The following AGAP1 variants were observed in gnomAD, a reference collection of about 807,000 sequenced individuals.
AGAP1 encodes the protein ArfGAP with GTPase domain, ankyrin repeat and PH domain 1.
AGAP1 carries 29 observed loss-of-function variants against 105.3 expected under a neutral mutation model. The ratio of observed to expected loss-of-function variants is 0.28; its 90% CI spans 0.21 to 0.38. The LOEUF is 0.38. AGAP1 is among the 10% of genes least tolerant of loss of function. The pLI is 1.00. For missense variants in AGAP1, 998 were observed against 1,165.1 expected, an observed-to-expected ratio of 0.86 and a Z score of 2.09; for synonymous variants, 509 against 485.9, an observed-to-expected ratio of 1.05 and a Z score of -0.63.
intron 6 of AGAP1, among the ~76,000 whole-genome samples, chr2:235,791,688 C>T (rs1021582486): frequency 6.6e-5 from 10 of 152,234 alleles, no homozygotes; most frequent in Middle Eastern, 3.4e-3. Flanking sequence ...GCTGGGATTA[C>T]AGGCACACGC....
In AGAP1 at chr2:235,970,709, A is replaced by C. The variant is rs946137793; in HGVS notation, c.1645+2086A>C. ...TGACCGCTGTGTAAATGAGTGAATA[A>C]ATCAGTAGCGTTTCTGCACATTTGA... is the stretch of plus-strand genomic sequence containing the variant. On this transcript the variant is annotated intron_variant, in intron 13 of 17. Coordinates refer to ENST00000304032, the MANE Select transcript of AGAP1 (RefSeq NM_001037131.3). The surrounding 1 kb of genome is among the most constrained non-coding windows in gnomAD (Gnocchi z 5.4). 6.6e-6 allele frequency among the ~76,000 whole-genome samples: 1 copy of C among 152,206 alleles called. No individual in the cohort carries two copies. The highest frequency in any genetic ancestry group is 2.4e-5 in the African/African-American group (1 of 41,438).
At position 235,979,430 on chromosome 2, in the gene AGAP1, C is replaced by T. The variant is rs558376190; in HGVS notation, c.1645+10807C>T. 3.9e-5 allele frequency among the ~76,000 whole-genome samples: 6 copies of T among 152,224 alleles called. No individual in the cohort carries two copies. The highest frequency in any genetic ancestry group is 2.1e-4 in the South Asian group (1 of 4,822). On this transcript the variant is annotated intron_variant, in intron 13 of 17. Coordinates refer to ENST00000304032, the MANE Select transcript of AGAP1 (RefSeq NM_001037131.3). This position sits in a 1 kb window ranked among gnomAD's most constrained non-coding sequence, Gnocchi z 4.5. ...GGGTCCGATCATAGTTACTGACTCGCGCTCATTTTATCAAGATGTATTAAT... is the reference window on the plus strand; with the variant it reads ...GGGTCCGATCATAGTTACTGACTCGTGCTCATTTTATCAAGATGTATTAAT...
intron 5 of AGAP1, among the ~76,000 whole-genome samples, chr2:235,745,446 A>G (rs931405260): frequency 3.9e-5 from 6 of 152,290 alleles, no homozygotes; most frequent in South Asian, 2.1e-4. Context: ...CTGAGACACA[A>G]TGTCCTCGCT....
At position 235,739,454 on chromosome 2, in the gene AGAP1, T is replaced by TC. The variant is rs1275584378; in HGVS notation, c.311-1505dup. Among the ~76,000 whole-genome samples, 6 of 152,348 alleles carry TC rather than the reference T, an allele frequency of 3.9e-5. No individual in the cohort carries two copies. Among genetic ancestry groups the TC allele is most frequent in the African/African-American group, 1.4e-4 (6 of 41,572 alleles). On this transcript the variant is annotated intron_variant, in intron 3 of 17. Transcript: ENST00000304032. The surrounding 1 kb of genome is among the most constrained non-coding windows in gnomAD (Gnocchi z 5.3). ...CAGCGGCCTGACTGGCCTGGATGTG[T>TC]CCCCTGCTAACGGGCCTCAGCCTGA...
Position 235,663,755 on chromosome 2 carries a change from G to A in AGAP1, c.164-45424G>A, listed in dbSNP as rs138211322. Among the ~76,000 whole-genome samples, 8 of 152,242 alleles carry A rather than the reference G, an allele frequency of 5.3e-5. No homozygotes were observed. Among genetic ancestry groups the A allele is most frequent in the Non-Finnish European group, 1.2e-4 (8 of 68,030 alleles). The stretch of plus-strand genomic sequence containing the variant: ...TTCCTACTCCAGGAAGCTCTTAGGA[G>A]AATCCAAATCCGACTTCCCTGTGCT... On this transcript the variant is annotated intron_variant, in intron 1 of 17. Coordinates refer to ENST00000304032, the MANE Select transcript of AGAP1 (RefSeq NM_001037131.3). The surrounding 1 kb of genome is among the most constrained non-coding windows in gnomAD (Gnocchi z 5.4).
chr2:236,042,847 C>T lies in AGAP1; in HGVS notation c.1891+2006C>T, dbSNP rs553387608. Among the ~76,000 whole-genome samples, 4 of 152,314 alleles carry T rather than the reference C, an allele frequency of 2.6e-5. No individual in the cohort carries two copies. Among genetic ancestry groups the T allele is most frequent in the South Asian group, 2.1e-4 (1 of 4,830 alleles). On this transcript the variant is annotated intron_variant, in intron 15 of 17. Transcript: ENST00000304032. The surrounding 1 kb of genome is among the most constrained non-coding windows in gnomAD (Gnocchi z 5.6). ...CAGGAGAAAGAGGCGATACCAAGCA[C>T]GCATTTGCTAAATGTGTGGTCTGTG...
At position 235,792,356 on chromosome 2, in the gene AGAP1, A is replaced by C. The variant is rs73126443; in HGVS notation, c.674-5403A>C. On this transcript the variant is annotated intron_variant, in intron 6 of 17. Coordinates refer to ENST00000304032, the MANE Select transcript of AGAP1 (RefSeq NM_001037131.3). The surrounding 1 kb of genome is among the most constrained non-coding windows in gnomAD (Gnocchi z 5.3). ...TCATCTGCCTATTCCAGGAGAGACT[A>C]TGGTCCTTATCCAGTAGTACTAATG... Among the ~76,000 whole-genome samples the C allele has an allele frequency of 2.6e-5, 4 of 152,150 alleles. No individual in the cohort carries two copies. The highest frequency in any genetic ancestry group is 9.7e-5 in the African/African-American group (4 of 41,424).
Position 236,042,079 on chromosome 2 carries a change from A to G in AGAP1, c.1891+1238A>G, listed in dbSNP as rs1418882201. ...CCAGCTTTGTTCTTCATTTGTAAGC[A>G]GAGAGACATCATTGGAGTTTTAGAG... On this transcript the variant is annotated intron_variant, in intron 15 of 17. Coordinates refer to ENST00000304032, the MANE Select transcript of AGAP1 (RefSeq NM_001037131.3). This position sits in a 1 kb window ranked among gnomAD's most constrained non-coding sequence, Gnocchi z 5.6. Among the ~76,000 whole-genome samples, 3 of 152,208 alleles carry G rather than the reference A, an allele frequency of 2.0e-5. No homozygotes were observed. Among genetic ancestry groups the G allele is most frequent in the Non-Finnish European group, 4.4e-5 (3 of 68,034 alleles).
At position 235,733,894 on chromosome 2, in the gene AGAP1, A is replaced by G. The variant is rs1323162338; in HGVS notation, c.311-7069A>G. On this transcript the variant is annotated intron_variant, in intron 3 of 17. Transcript: ENST00000304032. This position sits in a 1 kb window ranked among gnomAD's most constrained non-coding sequence, Gnocchi z 5.0. ...TCTGATTTGGCTAAATTTTGTAAAC[A>G]AAGATGTTACCAATAAAACCTTTTT... is the stretch of plus-strand genomic sequence containing the variant. 6.6e-6 allele frequency among the ~76,000 whole-genome samples: 1 copy of G among 152,220 alleles called. No individual in the cohort carries two copies. The highest frequency in any genetic ancestry group is 1.9e-4 in the East Asian group (1 of 5,194).
At chr2:235,896,097 A>G (rs557618240) in intron 10 of AGAP1, among the ~76,000 whole-genome samples, 1 of 152,326 alleles carries the variant, frequency 6.6e-6, no homozygotes, top group Non-Finnish European at 1.5e-5. Flanking sequence ...GCATAAACAC[A>G]AATTCCTATC....
intron 9 of AGAP1, among the ~76,000 whole-genome samples, chr2:235,862,803 C>T (rs1212648468): frequency 1.3e-5 from 2 of 152,204 alleles, no homozygotes; most frequent in Non-Finnish European, 2.9e-5. Context: ...GAGGGCAGCC[C>T]TGGGTTGTTC....
At chr2:235,670,422 T>C (rs1015643924) in intron 1 of AGAP1, 11 of 558,834 alleles carry the variant, frequency 2.0e-5, no homozygotes, top group Non-Finnish European at 3.6e-5. Context: ...CTGGGGCGGC[T>C]CCGGCCGTGC....
chr2:235,952,175 G>A (rs2053765163), intron 12 of AGAP1, among the ~76,000 whole-genome samples: 2 of 152,114 alleles, frequency 1.3e-5, no homozygotes, highest in Non-Finnish European at 2.9e-5. Context: ...AGACATGAAT[G>A]GGCTGATAAT....
In AGAP1 at chr2:235,872,273, T is replaced by C. The variant is rs923087972; in HGVS notation, c.1051-11072T>C. 2.0e-5 allele frequency among the ~76,000 whole-genome samples: 3 copies of C among 151,478 alleles called. No homozygotes were observed. The highest frequency in any genetic ancestry group is 6.6e-5 in the Admixed American group (1 of 15,234). On this transcript the variant is annotated intron_variant, in intron 9 of 17. Coordinates refer to ENST00000304032, the MANE Select transcript of AGAP1 (RefSeq NM_001037131.3). This position sits in a 1 kb window ranked among gnomAD's most constrained non-coding sequence, Gnocchi z 4.5. ...ATTGCATAGAAATAAAAAAAAAAAGTTCTAAATAAATGCCGAAGCCACATA... is the reference window on the plus strand; with the variant it reads ...ATTGCATAGAAATAAAAAAAAAAAGCTCTAAATAAATGCCGAAGCCACATA...
intron 9 of AGAP1, among the ~76,000 whole-genome samples, chr2:235,833,386 ACG>A (rs1283902069): frequency 1.3e-5 from 2 of 152,156 alleles, no homozygotes; most frequent in Non-Finnish European, 2.9e-5. Flanking sequence ...ATGGACAAAA[ACG>A]TAGAAGTCAC....
intron 1 of AGAP1, among the ~76,000 whole-genome samples, chr2:235,573,969 A>C (rs1334062746): frequency 2.0e-5 from 3 of 152,200 alleles, no homozygotes; most frequent in Non-Finnish European, 2.9e-5. Flanking sequence ...GCTGTCGCAC[A>C]ACCTTTTTAT....
chr2:235,791,989 C>T (rs1424740539), intron 6 of AGAP1, among the ~76,000 whole-genome samples: 2 of 152,174 alleles, frequency 1.3e-5, no homozygotes, highest in African/African-American at 2.4e-5. Flanking sequence ...TGTTTAGTCT[C>T]ATGTGAATTT....
Position 235,994,616 on chromosome 2 carries a change from C to G in AGAP1, c.1645+25993C>G, listed in dbSNP as rs1044755883. Among the ~76,000 whole-genome samples, 2 of 152,290 alleles carry G rather than the reference C, an allele frequency of 1.3e-5. No individual in the cohort carries two copies. The highest frequency in any genetic ancestry group is 4.8e-5 in the African/African-American group (2 of 41,564). On this transcript the variant is annotated intron_variant, in intron 13 of 17. Transcript: ENST00000304032. This position sits in a 1 kb window ranked among gnomAD's most constrained non-coding sequence, Gnocchi z 4.4. Reference sequence around the variant, plus strand: ...CCTGCATTGTCTTATTCAGTCCCGACTTTCCCAACGCCTCGCAGCCCGATG... The same window carrying G: ...CCTGCATTGTCTTATTCAGTCCCGAGTTTCCCAACGCCTCGCAGCCCGATG...
At chr2:235,539,131 A>G (rs1457644726) in intron 1 of AGAP1, among the ~76,000 whole-genome samples, 1 of 152,222 alleles carries the variant, frequency 6.6e-6, no homozygotes, top group Non-Finnish European at 1.5e-5. Flanking sequence ...CGTTGGTCTC[A>G]AGACCTTGTG....
Sources: gnomAD v4.1 joint callset for allele counts (sites outside exome capture counted in the v4.1 genomes callset) on GRCh38, gnomAD v4.1.1 for gene constraint, Gnocchi (gnomAD v3.1) non-coding constraint, MANE v1.5 for transcripts, NCBI Gene and HGNC (gene_info 2026-07-23, HGNC 2026-07-21) for gene names.